Variants in MAGI2 observed in about 807,000 individuals in gnomAD.
MAGI2 encodes the protein membrane-associated guanylate kinase, WW and PDZ domain-containing protein 2.
A neutral mutation model predicts 133.3 loss-of-function variants in MAGI2; 35 were observed. The observed-to-expected ratio is 0.26, with a 90% CI of 0.20 to 0.35. MAGI2 has a LOEUF of 0.35. MAGI2 is among the 10% of genes least tolerant of loss of function. The probability of loss-of-function intolerance (pLI) is 1.00; values close to 1 mark genes in which losing one functional copy is unlikely to be tolerated. For synonymous variants in MAGI2, 729 were observed against 710.6 expected, an observed-to-expected ratio of 1.03 and a Z score of -0.41; for missense variants, 1,636 against 1,863.4, an observed-to-expected ratio of 0.88 and a Z score of 2.25.
intron 1 of MAGI2, among the ~76,000 whole-genome samples, chr7:79,303,519 C>G (rs189310126): frequency 2.0e-5 from 3 of 152,164 alleles, no homozygotes; most frequent in East Asian, 3.9e-4. Context: ...AAGCATAAAC[C>G]TAGAAAACAT....
chr7:79,145,977 A>T (rs1346697983), intron 1 of MAGI2, among the ~76,000 whole-genome samples: 1 of 152,214 alleles, frequency 6.6e-6, no homozygotes, highest in Non-Finnish European at 1.5e-5. Flanking sequence ...TCAAGGACTA[A>T]TAAACCCAGT....
rs961359642 is a variant in MAGI2, at chr7:78,133,042, G to A, written c.3050C>T (p.Ser1017Leu). The stretch of plus-strand genomic sequence containing the variant: ...ACTCTGCTTCTCTGAGCTGGGTGCC[G>A]AGGTGGGGCTGTTGAGCTCTGCGAT... The part of the protein sequence containing the change: ...IPQEELNSPT[S>L]APSSEKQSPM... Residue 1017 changes from serine to leucine, a missense_variant, in exon 18 of 22, where the codon TCG becomes TTG. Coordinates refer to ENST00000354212, the MANE Select transcript of MAGI2 (RefSeq NM_012301.4). The A allele has an allele frequency of 1.3e-5, 21 of 1,576,270 alleles. No individual in the cohort carries two copies. Among genetic ancestry groups the A allele is most frequent in the Middle Eastern group, 1.7e-4 (1 of 5,902 alleles).
chr7:78,372,792 TA>T (rs1468727771), intron 6 of MAGI2, among the ~76,000 whole-genome samples: 1 of 152,178 alleles, frequency 6.6e-6, no homozygotes, highest in African/African-American at 2.4e-5. Context: ...CAGCATGCTA[TA>T]TTTTTTAAAT....
intron 9 of MAGI2, among the ~76,000 whole-genome samples, chr7:78,270,380 G>A (rs1218546438): frequency 6.6e-6 from 1 of 152,126 alleles, no homozygotes; most frequent in African/African-American, 2.4e-5. Flanking sequence ...TCATGATATT[G>A]ATTCTTCCTA....
At chr7:78,294,775 C>T (rs759400741) in intron 9 of MAGI2, among the ~76,000 whole-genome samples, 2 of 152,132 alleles carry the variant, frequency 1.3e-5, no homozygotes, top group African/African-American at 2.4e-5. Context: ...CCACAATACA[C>T]GGTTTCATCA....
chr7:78,840,947 AC>A (rs1792093613), intron 2 of MAGI2, among the ~76,000 whole-genome samples: 1 of 152,096 alleles, frequency 6.6e-6, no homozygotes, highest in Admixed American at 6.6e-5. Context: ...AAAGCACTTA[AC>A]CCATATCCTT....
chr7:79,309,395 T>C (rs911117258), intron 1 of MAGI2, among the ~76,000 whole-genome samples: 34 of 150,242 alleles, frequency 2.3e-4, no homozygotes, highest in African/African-American at 8.3e-4. Flanking sequence ...ATATATATTA[T>C]ATCTATATAT....
chr7:78,198,977 G>A (rs567291162), intron 11 of MAGI2, among the ~76,000 whole-genome samples: 24 of 152,302 alleles, frequency 1.6e-4, no homozygotes, highest in African/African-American at 5.3e-4. Context: ...GAATCAGTAG[G>A]ACAGAAAAGA....
intron 2 of MAGI2, among the ~76,000 whole-genome samples, chr7:78,692,075 T>C (rs969357007): frequency 6.6e-6 from 1 of 152,100 alleles, no homozygotes; most frequent in Admixed American, 6.5e-5. Flanking sequence ...AAATAAGGTC[T>C]TTAAAAAAAT....
At chr7:78,403,461 C>A (rs573358249) in intron 6 of MAGI2, among the ~76,000 whole-genome samples, 23 of 152,060 alleles carry the variant, frequency 1.5e-4, no homozygotes, top group Admixed American at 1.4e-3. Flanking sequence ...AATAAACATA[C>A]GTGTGCATGT....
intron 1 of MAGI2, among the ~76,000 whole-genome samples, chr7:79,377,945 G>A (rs2129139919): frequency 6.6e-6 from 1 of 151,932 alleles, no homozygotes; most frequent in East Asian, 1.9e-4. Flanking sequence ...AAGTTCTAAT[G>A]TGTGTCAAAA....
chr7:78,891,147 T>C (rs1796715491), intron 2 of MAGI2, among the ~76,000 whole-genome samples: 1 of 152,116 alleles, frequency 6.6e-6, no homozygotes, highest in Non-Finnish European at 1.5e-5. Context: ...ATAAATTCCA[T>C]GACACATACA....
In MAGI2 at chr7:78,104,270, T is replaced by G. The variant is rs973706458; in HGVS notation, c.3567+21424A>C. Among the ~76,000 whole-genome samples the G allele has an allele frequency of 5.3e-5, 8 of 152,262 alleles. No individual in the cohort carries two copies. The South Asian group carries it at 1.5e-3, about 28-fold the overall frequency. ...TGGAGTCTCGCTCTGTCACCCAGGC[T>G]GGACTGCAGTGGCTCGATGTCGGCT... On this transcript the variant is annotated intron_variant, in intron 20 of 21. Transcript: ENST00000354212.
intron 1 of MAGI2, among the ~76,000 whole-genome samples, chr7:79,038,511 T>C (rs1371480332): frequency 6.6e-6 from 1 of 152,200 alleles, no homozygotes; most frequent in Non-Finnish European, 1.5e-5. Context: ...ATAACTCTAT[T>C]GCATTCAGGT....
chr7:78,926,456 C>G (rs1250118660), intron 2 of MAGI2, among the ~76,000 whole-genome samples: 4 of 152,024 alleles, frequency 2.6e-5, no homozygotes, highest in Non-Finnish European at 5.9e-5. Flanking sequence ...CAATCATGAA[C>G]AGACAGAATT....
intron 2 of MAGI2, among the ~76,000 whole-genome samples, chr7:78,802,689 C>T (rs1483922130): frequency 1.3e-5 from 2 of 151,878 alleles, no homozygotes; most frequent in Non-Finnish European, 2.9e-5. Context: ...ATGTACAACA[C>T]CAAGAATGAA....
intron 2 of MAGI2, among the ~76,000 whole-genome samples, chr7:78,983,938 C>T (rs1364191764): frequency 6.6e-6 from 1 of 151,948 alleles, no homozygotes; most frequent in Non-Finnish European, 1.5e-5. Flanking sequence ...GTACTCTAAA[C>T]TGAACTCCAG....
Position 78,593,414 on chromosome 7 carries a change from C to T in MAGI2, c.538+33706G>A, listed in dbSNP as rs548649052. On this transcript the variant is annotated intron_variant, in intron 3 of 21. Transcript: ENST00000354212. Reference sequence around the variant, plus strand: ...CTCAAAAAAAAGCAATTAGAAACTACTGACAGTTTGAAACGCAGAGTAACA... The same window carrying T: ...CTCAAAAAAAAGCAATTAGAAACTATTGACAGTTTGAAACGCAGAGTAACA... Among the ~76,000 whole-genome samples, 164 of 152,200 alleles carry T rather than the reference C, an allele frequency of 1.1e-3. 1 individual carries two copies. Among genetic ancestry groups the T allele is most frequent in the African/African-American group, 3.8e-3 (156 of 41,538 alleles).
At chr7:78,065,185 C>T (rs3779317) in intron 21 of MAGI2, among the ~76,000 whole-genome samples, 39,716 of 151,934 alleles carry the variant, frequency 0.26, 5,452 homozygotes, top group Non-Finnish European at 0.29. Flanking sequence ...CTCTTTCTAT[C>T]GGACACAAAA....
Sources: allele counts gnomAD v4.1 joint callset (sites outside exome capture counted in the v4.1 genomes callset), GRCh38; gene constraint gnomAD v4.1.1; transcripts MANE v1.5; gene names NCBI Gene and HGNC (gene_info 2026-07-23, HGNC 2026-07-21).